DIS3L2: variants seen among roughly 807,000 people sequenced by gnomAD.
DIS3L2 encodes DIS3 like 3'-5' exoribonuclease 2.
DIS3L2 carries 34 observed loss-of-function variants against 97.5 expected under a neutral mutation model. That is an observed-to-expected ratio of 0.35 (90% CI 0.27 to 0.46). The LOEUF (loss-of-function observed/expected upper bound fraction) is 0.46. Among genes scored for constraint, DIS3L2 ranks in the 20% least tolerant of loss-of-function variants. The probability of loss-of-function intolerance (pLI) is 1.00; values close to 1 mark genes in which losing one functional copy is unlikely to be tolerated. For missense variants in DIS3L2, 1,038 were observed against 1,146.0 expected (o/e 0.91, Z 1.36); for synonymous variants, 435 against 445.2 (o/e 0.98, Z 0.29).
intron 3 of DIS3L2, among the ~76,000 whole-genome samples, chr2:232,021,245 C>T (rs534699974): frequency 6.6e-6 from 1 of 152,074 alleles, no homozygotes; most frequent in African/African-American, 2.4e-5. Flanking sequence ...GAGGTTTGTT[C>T]AGGATTTGCA....
intron 15 of DIS3L2, 149 bp from the exon 16 acceptor site, chr2:232,330,541 T>G: frequency 1.2e-6 from 1 of 805,362 alleles, no homozygotes; most frequent in Non-Finnish European, 2.1e-6. Context: ...CTGCCCCCTC[T>G]CCCCACCCAT....
intron 12 of DIS3L2, among the ~76,000 whole-genome samples, chr2:232,262,962 G>A (rs1302920417): frequency 6.6e-6 from 1 of 152,250 alleles, no homozygotes; most frequent in East Asian, 1.9e-4. Flanking sequence ...TGTGCTTGGG[G>A]ACCGTCCATA....
chr2:232,065,426 TC>T (rs1187458233), intron 5 of DIS3L2, among the ~76,000 whole-genome samples: 1 of 152,060 alleles, frequency 6.6e-6, no homozygotes, highest in Non-Finnish European at 1.5e-5. Context: ...TTCATCTTTC[TC>T]CTGTGGATAT....
At chr2:231,979,405 C>T (rs1266572087) in intron 1 of DIS3L2, among the ~76,000 whole-genome samples, 3 of 151,738 alleles carry the variant, frequency 2.0e-5, no homozygotes, top group African/African-American at 7.3e-5. Context: ...TACAGGCATT[C>T]ACCACCATGC....
chr2:232,186,180 G>A (rs932922807), intron 9 of DIS3L2, among the ~76,000 whole-genome samples: 31 of 152,138 alleles, frequency 2.0e-4, no homozygotes, highest in African/African-American at 7.5e-4. Flanking sequence ...CCTTTAGCGA[G>A]ATTGATGGAT....
intron 5 of DIS3L2, among the ~76,000 whole-genome samples, chr2:232,071,749 A>G (rs1203215897): frequency 6.6e-6 from 1 of 152,176 alleles, no homozygotes; most frequent in Non-Finnish European, 1.5e-5. Flanking sequence ...TATGTTGCCC[A>G]GGTTGGTCTC....
intron 10 of DIS3L2, among the ~76,000 whole-genome samples, chr2:232,213,525 A>G (rs774164954): frequency 4.6e-5 from 7 of 152,120 alleles, no homozygotes; most frequent in Non-Finnish European, 1.0e-4. Context: ...AGTCAATTCC[A>G]GTTTGGATTG....
intron 14 of DIS3L2, among the ~76,000 whole-genome samples, chr2:232,305,034 C>T (rs114957677): frequency 0.011 from 1,722 of 152,198 alleles, 30 homozygotes; most frequent in African/African-American, 0.038. Flanking sequence ...TTACTATCGG[C>T]TGCTTAATAA....
intron 11 of DIS3L2, among the ~76,000 whole-genome samples, chr2:232,247,088 T>G (rs1413389232): frequency 5.3e-5 from 8 of 152,250 alleles, no homozygotes; most frequent in Admixed American, 5.2e-4. Context: ...AGTAAGATAC[T>G]GCCGTGAACA....
chr2:232,124,535 A>C (rs1379092698), intron 6 of DIS3L2, among the ~76,000 whole-genome samples: 3 of 152,174 alleles, frequency 2.0e-5, no homozygotes, highest in Non-Finnish European at 2.9e-5. Context: ...AAAATTATTC[A>C]GAGTATTGCA....
chr2:232,117,375 G>C (rs1224397551), intron 6 of DIS3L2, among the ~76,000 whole-genome samples: 5 of 152,154 alleles, frequency 3.3e-5, no homozygotes, highest in African/African-American at 7.2e-5. Flanking sequence ...ATAAATACTT[G>C]TCTTGGTTAC....
At chr2:232,006,869 G>A (rs1322284249) in intron 1 of DIS3L2, among the ~76,000 whole-genome samples, 1 of 152,180 alleles carries the variant, frequency 6.6e-6, no homozygotes, top group African/African-American at 2.4e-5. Context: ...CAAAAAACAA[G>A]CAAACTGAGA....
chr2:232,324,280 G>C (rs1695515832), intron 14 of DIS3L2, among the ~76,000 whole-genome samples: 1 of 152,184 alleles, frequency 6.6e-6, no homozygotes, highest in African/African-American at 2.4e-5. Context: ...AAGAAATGAG[G>C]CTGAAATTGG....
Position 232,281,171 on chromosome 2 carries a change from G to A in DIS3L2, c.1659+17731G>A, listed in dbSNP as rs534998689. Among the ~76,000 whole-genome samples, 78 of 152,246 alleles carry A rather than the reference G, an allele frequency of 5.1e-4. No homozygotes were observed. The highest frequency in any genetic ancestry group is 1.5e-3 in the East Asian group (8 of 5,180). Reference sequence around the variant, plus strand: ...ACCCAGCACTTTGGGAGGCCGAGGCGGGTGGATCACAAGGTCAGGAGATCG... The same window carrying A: ...ACCCAGCACTTTGGGAGGCCGAGGCAGGTGGATCACAAGGTCAGGAGATCG... On this transcript the variant is annotated intron_variant, in intron 13 of 20. Transcript: ENST00000325385. The surrounding 1 kb of genome is among the most constrained non-coding windows in gnomAD (Gnocchi z 4.1).
At chr2:232,126,499 G>A (rs965075563) in intron 6 of DIS3L2, among the ~76,000 whole-genome samples, 1 of 152,180 alleles carries the variant, frequency 6.6e-6, no homozygotes, top group Non-Finnish European at 1.5e-5. Flanking sequence ...CAGGATGAGC[G>A]ATCAAGGTCC....
chr2:232,024,083 T>G (rs1180507033), intron 3 of DIS3L2, among the ~76,000 whole-genome samples, 194 bp from the exon 4 acceptor site: 1 of 152,190 alleles, frequency 6.6e-6, no homozygotes, highest in African/African-American at 2.4e-5. Flanking sequence ...AAGCTTTCTG[T>G]TTTTGATAGA....
At chr2:232,108,103 C>T (rs186188043) in intron 6 of DIS3L2, among the ~76,000 whole-genome samples, 1 of 152,278 alleles carries the variant, frequency 6.6e-6, no homozygotes, top group East Asian at 1.9e-4. Flanking sequence ...AGGCCAGTAT[C>T]CTTGATGAAC....
At chr2:232,101,101 G>A (rs568339678) in intron 6 of DIS3L2, among the ~76,000 whole-genome samples, 1 of 151,886 alleles carries the variant, frequency 6.6e-6, no homozygotes, top group Admixed American at 6.6e-5. Context: ...GCGTGGTGGT[G>A]CACCCCTGTT....
At chr2:232,329,636 G>C in intron 14 of DIS3L2, 177 bp from the exon 15 acceptor site, 3 of 591,758 alleles carry the variant, frequency 5.1e-6, no homozygotes, top group Non-Finnish European at 8.4e-6. Context: ...AGACCATGGG[G>C]GTGCTGGGCA....
Sources: gnomAD v4.1 joint callset for allele counts (sites outside exome capture counted in the v4.1 genomes callset) on GRCh38, gnomAD v4.1.1 for gene constraint, Gnocchi (gnomAD v3.1) non-coding constraint, MANE v1.5 for transcripts, NCBI Gene and HGNC (gene_info 2026-07-23, HGNC 2026-07-21) for gene names.